Variants in DYSF observed in about 807,000 individuals in gnomAD.
The protein encoded by DYSF is dystrophy-associated fer-1-like 1.
Under a neutral mutation model 274.9 loss-of-function variants are expected in DYSF, and 212 were observed. The ratio of observed to expected loss-of-function variants is 0.77; its 90% CI spans 0.69 to 0.86. The LOEUF (loss-of-function observed/expected upper bound fraction) is 0.86, where lower values mean the gene tolerates loss of function less well. DYSF is among the 40% of genes least tolerant of loss of function. DYSF has a pLI of 0.00. For synonymous variants in DYSF, 1,091 were observed against 1,078.7 expected (o/e 1.01, Z -0.22); for missense variants, 2,666 against 2,783.2 (o/e 0.96, Z 0.95).
At chr2:71,592,414 C>A (rs901450505) in intron 32 of DYSF, among the ~76,000 whole-genome samples, 5 of 152,060 alleles carry the variant, frequency 3.3e-5, no homozygotes, top group Non-Finnish European at 7.3e-5. Context: ...GAATGAAAGG[C>A]CCGATTGAGC....
intron 50 of DYSF, 151 bp downstream of exon 50, chr2:71,669,358 G>A: frequency 1.1e-6 from 1 of 892,092 alleles, no homozygotes; most frequent in Non-Finnish European, 1.8e-6. Flanking sequence ...TGCCTTTGGG[G>A]AAATCGCTCT....
At chr2:71,594,254 T>A (rs1338869259) in intron 32 of DYSF, among the ~76,000 whole-genome samples, 1 of 152,228 alleles carries the variant, frequency 6.6e-6, no homozygotes, top group Non-Finnish European at 1.5e-5. Context: ...CAACCCCTTT[T>A]TAAGCACAGC....
At chr2:71,543,478 C>T (rs1231963883) in intron 17 of DYSF, among the ~76,000 whole-genome samples, 3 of 152,180 alleles carry the variant, frequency 2.0e-5, no homozygotes, top group Non-Finnish European at 2.9e-5. Context: ...GCAGAGGCTG[C>T]GATCTCGGCA....
chr2:71,654,123 T>G (rs2094722497), intron 42 of DYSF, among the ~76,000 whole-genome samples: 1 of 152,064 alleles, frequency 6.6e-6, no homozygotes, highest in African/African-American at 2.4e-5. Flanking sequence ...GCAGAAGAAA[T>G]ACAAATGGCT....
chr2:71,518,316 G>A (rs1318237682), intron 10 of DYSF, among the ~76,000 whole-genome samples: 1 of 150,698 alleles, frequency 6.6e-6, no homozygotes, highest in African/African-American at 2.4e-5. Context: ...GAGTGCAGTG[G>A]TGTGATCTCA....
chr2:71,479,066 G>C (rs1271825193), intron 1 of DYSF, among the ~76,000 whole-genome samples: 1 of 151,892 alleles, frequency 6.6e-6, no homozygotes, highest in East Asian at 1.9e-4. Context: ...TCGTGGTCCA[G>C]GCAGGACTCT....
In DYSF at chr2:71,466,930, C is replaced by T; in HGVS notation, c.88C>T (p.Arg30Ter). The T allele has an allele frequency of 6.5e-7, 1 of 1,549,972 alleles. No homozygotes were observed. Reference protein sequence around the residue: ...RSDPVASLTFRGVKKRTKVIK... With the variant: ...RSDPVASLTF ...CGACCCTGTCGCAAGCCTGACTTTC[C>T]GAGGTGAGAGCCCCGTGGCTGCCGC... The change falls in exon 1 of 56, where the codon CGA (arginine) becomes TGA (stop). Residue 30 changes from arginine (R) to a stop codon, truncating the protein, a stop_gained. Transcript: ENST00000410020. LOFTEE classifies it high-confidence loss of function.
intron 42 of DYSF, among the ~76,000 whole-genome samples, chr2:71,652,588 G>A (rs2094685017): frequency 6.6e-6 from 1 of 152,216 alleles, no homozygotes; most frequent in South Asian, 2.1e-4. Flanking sequence ...TCATGTTCCT[G>A]TATTAAAATG....
chr2:71,549,082 G>A (rs1261967561), intron 17 of DYSF, among the ~76,000 whole-genome samples: 4 of 152,196 alleles, frequency 2.6e-5, no homozygotes, highest in Non-Finnish European at 5.9e-5. Flanking sequence ...ACTGGCAAAC[G>A]GAACACACAG....
intron 13 of DYSF, 63 bp downstream of exon 13, chr2:71,526,409 GGT>G: frequency 2.7e-6 from 4 of 1,470,776 alleles, no homozygotes; most frequent in South Asian, 2.3e-5. Flanking sequence ...GGCTGGTGGG[GGT>G]GGGCGATGGC....
At chr2:71,661,326 A>T (rs980768717) in intron 45 of DYSF, among the ~76,000 whole-genome samples, 3 of 152,042 alleles carry the variant, frequency 2.0e-5, no homozygotes, top group African/African-American at 7.2e-5. Flanking sequence ...CACTGGTATC[A>T]TCTTACCTAA....
chr2:71,646,316 C>G (rs2094566940), intron 42 of DYSF, among the ~76,000 whole-genome samples: 2 of 152,256 alleles, frequency 1.3e-5, no homozygotes, highest in South Asian at 4.1e-4. Context: ...GCCCATGGCC[C>G]TGGCCCCTCG....
chr2:71,459,494 AG>A (rs1413108626), intron 1 of DYSF, among the ~76,000 whole-genome samples: 6 of 151,998 alleles, frequency 3.9e-5, no homozygotes, highest in South Asian at 2.1e-4. Context: ...GAGTGAGCTG[AG>A]GGGGGGACAC....
rs147675576 is a variant in DYSF, at chr2:71,516,236, T to C, written c.945T>C (p.Phe315=). 1.2e-6 allele frequency: 2 copies of C among 1,614,050 alleles called. No homozygotes were observed. Among genetic ancestry groups the C allele is most frequent in the African/African-American group, 2.7e-5 (2 of 74,938 alleles). ...GGGAGCTGTTTGATGAGCCCATCTTTATCACGGTATGTCTCAGCAGTCAAA... is the reference window on the plus strand; with the variant it reads ...GGGAGCTGTTTGATGAGCCCATCTTCATCACGGTATGTCTCAGCAGTCAAA... ...SPGELFDEPI[F]ITVVDSRSLR... The change falls in exon 9 of 56, where the codon TTT becomes TTC. Residue 315 remains phenylalanine, a synonymous_variant. Coordinates refer to ENST00000410020, the MANE Select transcript of DYSF (RefSeq NM_001130987.2).
chr2:71,528,679 C>T (rs1332073316), intron 14 of DYSF, among the ~76,000 whole-genome samples: 2 of 152,098 alleles, frequency 1.3e-5, no homozygotes, highest in Non-Finnish European at 2.9e-5. Context: ...AGTAGAGGAA[C>T]ATTTGGGGGA....
At chr2:71,514,414 T>C (rs920662024) in intron 7 of DYSF, among the ~76,000 whole-genome samples, 1 of 152,178 alleles carries the variant, frequency 6.6e-6, no homozygotes, top group African/African-American at 2.4e-5. Context: ...TTTCTCCTTA[T>C]ATCTATCCCC....
chr2:71,506,690 G>A (rs1466709343), intron 4 of DYSF, among the ~76,000 whole-genome samples: 3 of 152,136 alleles, frequency 2.0e-5, no homozygotes, highest in South Asian at 2.1e-4. Context: ...CATGGTGAGG[G>A]TACAAGGTCC....
chr2:71,547,694 G>C (rs182569177), intron 17 of DYSF, among the ~76,000 whole-genome samples: 250 of 152,330 alleles, frequency 1.6e-3, no homozygotes, highest in African/African-American at 5.8e-3. Flanking sequence ...GAAAAGGTGT[G>C]GTTGCGAGGC....
chr2:71,495,520 A>G (rs887118063), intron 3 of DYSF, among the ~76,000 whole-genome samples: 2 of 152,200 alleles, frequency 1.3e-5, no homozygotes, highest in African/African-American at 2.4e-5. Context: ...AGGGTCAACC[A>G]CCTGGGCTGT....
Sources: gnomAD v4.1 joint callset for allele counts (sites outside exome capture counted in the v4.1 genomes callset) on GRCh38, gnomAD v4.1.1 for gene constraint, MANE v1.5 for transcripts, NCBI Gene and HGNC (gene_info 2026-07-23, HGNC 2026-07-21) for gene names.